RPS10: variants seen among roughly 807,000 people sequenced by gnomAD.
RPS10 encodes small ribosomal subunit protein eS10.
Under a neutral mutation model 22.6 loss-of-function variants are expected in RPS10, and 2 were observed. The observed-to-expected ratio is 0.09, with a 90% CI of 0.04 to 0.28. RPS10 has a LOEUF of 0.28. Among genes scored for constraint, RPS10 ranks in the 10% least tolerant of loss-of-function variants. The probability of loss-of-function intolerance (pLI) is 1.00; values close to 1 mark genes in which losing one functional copy is unlikely to be tolerated. For synonymous variants in RPS10, 70 were observed against 75.9 expected (o/e 0.92, Z 0.40); for missense variants, 137 against 222.2 (o/e 0.62, Z 2.44).
chr6:34,417,790 A>C, intron 5 of RPS10: 1 of 718,832 alleles, frequency 1.4e-6, no homozygotes, highest in South Asian at 1.5e-5. Context: ...GAGTGTGTTC[A>C]TACATACTCC....
chr6:34,423,302 AATTT>A (rs1477160852), intron 3 of RPS10, among the ~76,000 whole-genome samples: 3 of 151,902 alleles, frequency 2.0e-5, no homozygotes, highest in Non-Finnish European at 4.4e-5. Context: ...ATGCCTGGCT[AATTT>A]ATTTTTTTGT....
chr6:34,422,792 T>A (rs534970639), intron 3 of RPS10, among the ~76,000 whole-genome samples: 2 of 150,084 alleles, frequency 1.3e-5, no homozygotes, highest in Non-Finnish European at 3.0e-5. Context: ...AAAAAAATTA[T>A]CATAAATGGC....
At chr6:34,423,290 CCAT>C (rs1193966001) in intron 3 of RPS10, among the ~76,000 whole-genome samples, 1 of 151,908 alleles carries the variant, frequency 6.6e-6, no homozygotes, top group African/African-American at 2.4e-5. Context: ...GTGTGCACCA[CCAT>C]GCCTGGCTAA....
At position 34,421,441 on chromosome 6, in the gene RPS10, C is replaced by G. The variant is rs139033768; in HGVS notation, c.400+289G>C. Among the ~76,000 whole-genome samples the G allele has an allele frequency of 8.0e-4, 120 of 149,400 alleles. 1 individual carries two copies. In the East Asian group the frequency reaches 0.012, roughly 15 times the overall value. On this transcript the variant is annotated intron_variant, in intron 4 of 5. Transcript: ENST00000648437. The stretch of plus-strand genomic sequence containing the variant: ...TCAAGTAATCTGCCCACTTCGACCC[C>G]CCCCCTCCAACCAAAGTGCTGGGAT...
At chr6:34,421,898 ACT>A (rs1765781895) in intron 3 of RPS10, 91 bp from the exon 4 acceptor site, 3 of 1,368,620 alleles carry the variant, frequency 2.2e-6, no homozygotes, top group Non-Finnish European at 3.1e-6. Context: ...TCCTGTTGTC[ACT>A]CTCAGCAACC....
chr6:34,421,502 G>GT, intron 4 of RPS10, among the ~76,000 whole-genome samples: 1 of 151,958 alleles, frequency 6.6e-6, no homozygotes, highest in Middle Eastern at 3.4e-3. Context: ...CCTGAGTTTT[G>GT]TTTTTTAAAA....
chr6:34,425,563 G>A (rs1765929567), intron 1 of RPS10: 3 of 346,444 alleles, frequency 8.7e-6, no homozygotes, highest in African/African-American at 2.1e-5. Context: ...CGTACCCAGC[G>A]CGGAATCTCG....
intron 3 of RPS10, chr6:34,424,140 T>TAAAAAAAAAAAAAAAACAAAAAAAAA (rs1765866063): frequency 2.0e-5 from 1 of 49,102 alleles, no homozygotes; most frequent in African/African-American, 1.1e-4. Context: ...AAGACTCCGT[T>TAAAAAAAAAAAAAAAACAAAAAAAAA]AAAAAAAAAA....
At chr6:34,420,725 G>A (rs1032585582) in intron 4 of RPS10, among the ~76,000 whole-genome samples, 5 of 151,972 alleles carry the variant, frequency 3.3e-5, no homozygotes, top group South Asian at 2.1e-4. Context: ...GACTTTATCC[G>A]GGTGGGCGCG....
intron 3 of RPS10, chr6:34,424,289 C>T (rs1308214915): frequency 6.9e-6 from 2 of 287,904 alleles, no homozygotes; most frequent in African/African-American, 2.2e-5. Context: ...CTAATTTCTT[C>T]TCCTGTTGGC....
chr6:34,425,447 G>A (rs913177225), intron 1 of RPS10: 13 of 544,750 alleles, frequency 2.4e-5, no homozygotes, highest in African/African-American at 5.7e-5. Flanking sequence ...GGATAGTGGT[G>A]CACATTCGCG....
chr6:34,418,510 G>T, intron 4 of RPS10, 86 bp from the exon 5 acceptor site: 1 of 1,597,672 alleles, frequency 6.3e-7, no homozygotes, highest in Non-Finnish European at 8.5e-7. Context: ...CTCCAATCTT[G>T]CAGGAAAAGC....
At chr6:34,419,234 C>T (rs1765680744) in intron 4 of RPS10, among the ~76,000 whole-genome samples, 1 of 151,980 alleles carries the variant, frequency 6.6e-6, no homozygotes, top group Non-Finnish European at 1.5e-5. Flanking sequence ...TTGGTTTCTC[C>T]AGGCTGGTCT....
intron 3 of RPS10, 58 bp downstream of exon 3, chr6:34,424,611 C>A: frequency 9.4e-6 from 15 of 1,604,072 alleles, no homozygotes; most frequent in Non-Finnish European, 1.2e-5. Context: ...ATGCTTTTGT[C>A]CCTTACACAA....
Position 34,426,038 on chromosome 6 carries a change from G to C in RPS10, c.-7C>G, listed in dbSNP as rs558708450. On this transcript the variant is annotated 5_prime_UTR_variant, in exon 1 of 6. Transcript: ENST00000648437. ...GAACGCCACAGAAACTCACCTCTGC[G>C]GCTGCAGGGTCCGGTACCGGGGCTG... 6.6e-6 allele frequency: 1 copy of C among 152,464 alleles called. No homozygotes were observed. Among genetic ancestry groups the C allele is most frequent in the Non-Finnish European group, 1.5e-5 (1 of 68,136 alleles). The allele number at this position is 152,464 out of a possible 1,614,324, so 9.4% of individuals were successfully genotyped here. A position where few individuals can be genotyped will look rare whatever the true frequency, so the allele number is the denominator to read the frequency against.
chr6:34,419,582 A>ATTT (rs34690951), intron 4 of RPS10, among the ~76,000 whole-genome samples: 24 of 147,412 alleles, frequency 1.6e-4, no homozygotes, highest in Admixed American at 3.4e-4. Flanking sequence ...TTATTTACTT[A>ATTT]TTTTTTTTTT....
rs1765913113 is a variant in RPS10, at chr6:34,425,198, C to T, written c.24G>A (p.Arg8=). 6.2e-7 allele frequency: 1 copy of T among 1,612,420 alleles called. No homozygotes were observed. Among genetic ancestry groups the T allele is most frequent in the African/African-American group, 1.3e-5 (1 of 75,018 alleles). ...TAAAAAGGAGTTCATAAATGGCAAT[C>T]CGGTTCTTCTTAGGCATCAACATCT... The part of the protein sequence containing the change: MLMPKKN[R]IAIYELLFKE... The change falls in exon 2 of 6, where the codon CGG becomes CGA. Residue 8 remains arginine (R), a synonymous_variant. Coordinates refer to ENST00000648437, the MANE Select transcript of RPS10 (RefSeq NM_001014.5).
chr6:34,421,209 C>T (rs2113799347), intron 4 of RPS10, among the ~76,000 whole-genome samples: 1 of 151,094 alleles, frequency 6.6e-6, no homozygotes, highest in Admixed American at 6.6e-5. Flanking sequence ...CCCCTATCCT[C>T]GTGCCCAGTG....
chr6:34,423,274 C>G (rs1373471376), intron 3 of RPS10, among the ~76,000 whole-genome samples: 1 of 151,800 alleles, frequency 6.6e-6, no homozygotes, highest in African/African-American at 2.4e-5. Context: ...CTGGGCTTAA[C>G]CACAGGTGTG....
Sources: allele counts gnomAD v4.1 joint callset (sites outside exome capture counted in the v4.1 genomes callset), GRCh38; gene constraint gnomAD v4.1.1; transcripts MANE v1.5; gene names NCBI Gene and HGNC (gene_info 2026-07-23, HGNC 2026-07-21).